The following GNB1L variants were observed in gnomAD, a reference collection of about 807,000 sequenced individuals.
GNB1L encodes guanine nucleotide-binding protein subunit beta-like protein 1.
In GNB1L, 20 loss-of-function variants were observed where a neutral mutation model predicts 29.1. The ratio of observed to expected loss-of-function variants is 0.69; its 90% CI spans 0.48 to 1.00. The LOEUF is 1.00. GNB1L is among the 50% of genes least tolerant of loss of function. The pLI is 0.00. For synonymous variants in GNB1L, 193 were observed against 206.5 expected, an observed-to-expected ratio of 0.93 and a Z score of 0.56; for missense variants, 421 against 464.9, an observed-to-expected ratio of 0.91 and a Z score of 0.87.
chr22:19,786,489 T>G lies in GNB1L; in HGVS notation c.*2220A>C. 1 of 152,408 alleles carries G rather than the reference T, an allele frequency of 6.6e-6. No homozygotes were observed. Among genetic ancestry groups the G allele is most frequent in the Admixed American group, 6.5e-5 (1 of 15,296 alleles). 9.4% of individuals were successfully genotyped at this position (152,408 alleles called of 1,614,324 possible). A position where few individuals can be genotyped will look rare whatever the true frequency, so the allele number is the denominator to read the frequency against. Reference sequence around the variant, plus strand: ...CCAACCTCATGCTGGCATGCACACCTGGGCCCTCATGTGGGATACCCACCT... The same window carrying G: ...CCAACCTCATGCTGGCATGCACACCGGGGCCCTCATGTGGGATACCCACCT... On this transcript the variant is annotated 3_prime_UTR_variant, in exon 8 of 8. Coordinates refer to ENST00000329517, the MANE Select transcript of GNB1L (RefSeq NM_053004.3).
rs1455065909 is a variant in GNB1L at position 19,816,452 on chromosome 22, A to G, written c.255-4005T>C. Among the ~76,000 whole-genome samples the G allele has an allele frequency of 1.3e-5, 2 of 152,158 alleles. No homozygotes were observed. Among genetic ancestry groups the G allele is most frequent in the East Asian group, 3.9e-4 (2 of 5,188 alleles). On this transcript the variant is annotated intron_variant, in intron 4 of 7. Transcript: ENST00000329517. The surrounding 1 kb of genome is among the most constrained non-coding windows in gnomAD (Gnocchi z 4.4). ...GAGATGTCCAGACCTAGAATCTGCC[A>G]TCTCCCGGGGAACCCTCACTCAGCT...
At chr22:19,789,322 G>GT (rs1569036454) in intron 7 of GNB1L, among the ~76,000 whole-genome samples, 1 of 152,234 alleles carries the variant, frequency 6.6e-6, no homozygotes, top group African/African-American at 2.4e-5. Context: ...GAGAGGCCAC[G>GT]TCCCGGGCTT....
At chr22:19,806,846 G>A in intron 5 of GNB1L, 89 bp from the exon 6 acceptor site, 1 of 914,802 alleles carries the variant, frequency 1.1e-6, no homozygotes, top group Non-Finnish European at 1.8e-6. Context: ...ATTAGCCCGG[G>A]CTGCTGTGAG....
rs543559973 is a variant in GNB1L at position 19,810,896 on chromosome 22, G to A, written c.417+1389C>T. 2.6e-5 allele frequency among the ~76,000 whole-genome samples: 4 copies of A among 152,350 alleles called. No individual in the cohort carries two copies. In the East Asian group the frequency reaches 7.7e-4, roughly 29 times the overall value. On this transcript the variant is annotated intron_variant, in intron 5 of 7. Transcript: ENST00000329517. ...GGGAGAGCTGAAAGCTAGGAGGAGGGTTAGACAGCCTTGAGCACAGGGGAC... is the reference window on the plus strand; with the variant it reads ...GGGAGAGCTGAAAGCTAGGAGGAGGATTAGACAGCCTTGAGCACAGGGGAC...
rs942058683 is a variant in GNB1L, at chr22:19,832,379, C to T, written c.-20-11004G>A. 3.3e-5 allele frequency among the ~76,000 whole-genome samples: 5 copies of T among 152,248 alleles called. No individual in the cohort carries two copies. The East Asian group carries it at 5.8e-4, about 18-fold the overall frequency. On this transcript the variant is annotated intron_variant, in intron 2 of 7. Coordinates refer to ENST00000329517, the MANE Select transcript of GNB1L (RefSeq NM_053004.3). Reference sequence around the variant, plus strand: ...AATTCTCTGAAAACAGAAAAGTGGGCAACAGCAGCCAGCCGGGTTTTGGAG... The same window carrying T: ...AATTCTCTGAAAACAGAAAAGTGGGTAACAGCAGCCAGCCGGGTTTTGGAG...
chr22:19,803,351 G>T (rs1246725987), intron 6 of GNB1L, among the ~76,000 whole-genome samples: 1 of 152,194 alleles, frequency 6.6e-6, no homozygotes, highest in Non-Finnish European at 1.5e-5. Context: ...GGAGGCGAGT[G>T]GCGGTCAGTG....
Position 19,820,702 on chromosome 22 carries a change from G to A in GNB1L, c.150C>T (p.His50=), listed in dbSNP as rs949357486. The change falls in exon 4 of 8, where the codon CAC becomes CAT. Residue 50 remains histidine, a synonymous_variant. Coordinates refer to ENST00000329517, the MANE Select transcript of GNB1L (RefSeq NM_053004.3). Reference sequence around the variant, plus strand: ...CTCTCCGCGTCTGCAGGCTCCAGATGTGTACCAGGCCACTCTGAGACCTGT... The same window carrying A: ...CTCTCCGCGTCTGCAGGCTCCAGATATGTACCAGGCCACTCTGAGACCTGT... ...LFSGSQSGLV[H]IWSLQTRRAV... 5 of 1,613,518 alleles carry A rather than the reference G, an allele frequency of 3.1e-6. No homozygotes were observed. Among genetic ancestry groups the A allele is most frequent in the Non-Finnish European group, 4.2e-6 (5 of 1,179,746 alleles).
chr22:19,806,304 C>A (rs1010860255), intron 6 of GNB1L, among the ~76,000 whole-genome samples: 1 of 152,248 alleles, frequency 6.6e-6, no homozygotes, highest in Admixed American at 6.5e-5. Flanking sequence ...GCCTGCCCTG[C>A]CCTAAGCACG....
Position 19,854,487 on chromosome 22 carries a change from A to C in GNB1L, c.-65T>G, listed in dbSNP as rs951381676. On this transcript the variant is annotated 5_prime_UTR_variant, in exon 2 of 8. Transcript: ENST00000329517. ...CCGCGAAGAGGGTCCTGGGATCCGTAGCCACAGACCGTGGGACGGGCCTCC... is the reference window on the plus strand; with the variant it reads ...CCGCGAAGAGGGTCCTGGGATCCGTCGCCACAGACCGTGGGACGGGCCTCC... 1 of 152,674 alleles carries C rather than the reference A, an allele frequency of 6.5e-6. No individual in the cohort carries two copies. Among genetic ancestry groups the C allele is most frequent in the Non-Finnish European group, 1.5e-5 (1 of 68,056 alleles). 9.5% of individuals were successfully genotyped at this position (152,674 alleles called of 1,614,324 possible).
At chr22:19,819,149 C>T (rs1937558179) in intron 4 of GNB1L, among the ~76,000 whole-genome samples, 1 of 152,256 alleles carries the variant, frequency 6.6e-6, no homozygotes, top group Non-Finnish European at 1.5e-5. Context: ...CTGTCCTTCA[C>T]CACACTCAGA....
At chr22:19,803,333 C>A (rs985991784) in intron 6 of GNB1L, among the ~76,000 whole-genome samples, 2 of 152,206 alleles carry the variant, frequency 1.3e-5, no homozygotes, top group African/African-American at 4.8e-5. Context: ...AAGAGTGAGG[C>A]TCCAGGAGGA....
intron 7 of GNB1L, among the ~76,000 whole-genome samples, chr22:19,795,470 T>C (rs998095344): frequency 6.6e-6 from 1 of 152,118 alleles, no homozygotes; most frequent in East Asian, 1.9e-4. Context: ...TCCTTTCAAG[T>C]CCATGTGGTG....
chr22:19,841,587 A>C (rs1037513715), intron 2 of GNB1L, among the ~76,000 whole-genome samples: 5 of 152,150 alleles, frequency 3.3e-5, no homozygotes, highest in Non-Finnish European at 7.4e-5. Flanking sequence ...GGCTGCAGTG[A>C]GCTATGATCA....
intron 1 of GNB1L, 96 bp from the exon 2 acceptor site, chr22:19,854,635 GCC>G (rs1207558817): frequency 6.5e-6 from 1 of 152,980 alleles, no homozygotes; most frequent in Non-Finnish European, 1.5e-5. Flanking sequence ...GTCTCCAGGT[GCC>G]CCCACAAACC....
At chr22:19,835,277 TG>T (rs1432087288) in intron 2 of GNB1L, among the ~76,000 whole-genome samples, 1 of 151,454 alleles carries the variant, frequency 6.6e-6, no homozygotes, top group Non-Finnish European at 1.5e-5. Context: ...TTATAGAACA[TG>T]CCGCTCAGTA....
At chr22:19,793,946 A>T (rs1165152357) in intron 7 of GNB1L, among the ~76,000 whole-genome samples, 1 of 152,214 alleles carries the variant, frequency 6.6e-6, no homozygotes, top group Admixed American at 6.5e-5. Context: ...GGGTGAGTAA[A>T]TGTAACATGT....
chr22:19,808,340 C>A (rs755507007), intron 5 of GNB1L, among the ~76,000 whole-genome samples: 6 of 152,136 alleles, frequency 3.9e-5, no homozygotes, highest in Admixed American at 1.3e-4. Context: ...AAGGGGCCCC[C>A]GGGGAACAAA....
rs1937523272 is a variant in GNB1L, at chr22:19,816,246, C to T, written c.255-3799G>A. ...TCAGATGACACCAGTCGTCACGCTG[C>T]GAGGCACACGATGTGACCTGCCCAC... On this transcript the variant is annotated intron_variant, in intron 4 of 7. Coordinates refer to ENST00000329517, the MANE Select transcript of GNB1L (RefSeq NM_053004.3). This position sits in a 1 kb window ranked among gnomAD's most constrained non-coding sequence, Gnocchi z 4.4. 2.6e-5 allele frequency among the ~76,000 whole-genome samples: 4 copies of T among 152,210 alleles called. No individual in the cohort carries two copies. The highest frequency in any genetic ancestry group is 4.1e-4 in the South Asian group (2 of 4,826).
At chr22:19,850,158 A>G (rs1328021771) in intron 2 of GNB1L, 8 of 985,490 alleles carry the variant, frequency 8.1e-6, no homozygotes, top group Non-Finnish European at 9.6e-6. Context: ...CTGACCTGGA[A>G]TGCTCATGGC....
Sources: gnomAD v4.1 joint callset for allele counts (sites outside exome capture counted in the v4.1 genomes callset) on GRCh38, gnomAD v4.1.1 for gene constraint, Gnocchi (gnomAD v3.1) non-coding constraint, MANE v1.5 for transcripts, NCBI Gene and HGNC (gene_info 2026-07-23, HGNC 2026-07-21) for gene names.